The following ELF5 variants were observed in gnomAD, a reference collection of about 807,000 sequenced individuals.
The protein encoded by ELF5 is ETS-related transcription factor Elf-5.
In ELF5, 31 loss-of-function variants were observed where a neutral mutation model predicts 38.2. The ratio of observed to expected loss-of-function variants is 0.81; its 90% CI spans 0.61 to 1.10. The LOEUF (loss-of-function observed/expected upper bound fraction) is 1.10, where lower values mean the gene tolerates loss of function less well. Among genes scored for constraint, ELF5 ranks in the 50% least tolerant of loss-of-function variants. The pLI, the probability that ELF5 is intolerant of heterozygous loss-of-function variation, is 0.00. For missense variants in ELF5, 300 were observed against 306.6 expected, an observed-to-expected ratio of 0.98 and a Z score of 0.16; for synonymous variants, 121 against 112.5, an observed-to-expected ratio of 1.08 and a Z score of -0.48.
At chr11:34,505,927 C>A (rs1308829540) in intron 1 of ELF5, among the ~76,000 whole-genome samples, 174 bp from the exon 2 acceptor site, 2 of 152,194 alleles carry the variant, frequency 1.3e-5, no homozygotes, top group African/African-American at 4.8e-5. Flanking sequence ...TCCACCCTTG[C>A]CATATCCTGT....
At chr11:34,510,647 C>A (rs550471246) in intron 1 of ELF5, among the ~76,000 whole-genome samples, 8 of 152,090 alleles carry the variant, frequency 5.3e-5, no homozygotes, top group African/African-American at 1.4e-4. Flanking sequence ...GGTGATATTG[C>A]CCCCCTCTTT....
intron 4 of ELF5, among the ~76,000 whole-genome samples, chr11:34,489,011 T>C (rs1850086898): frequency 6.6e-6 from 1 of 152,170 alleles, no homozygotes; most frequent in Non-Finnish European, 1.5e-5. Context: ...GGTGAGATGC[T>C]ACACCCCGGG....
rs1437528965 is a variant in ELF5 at position 34,480,805 on chromosome 11, C to A, written c.638G>T (p.Arg213Ile). 6.2e-7 allele frequency: 1 copy of A among 1,613,876 alleles called. No individual in the cohort carries two copies. Among genetic ancestry groups the A allele is most frequent in the East Asian group, 2.2e-5 (1 of 44,880 alleles). The change falls in exon 6 of 7, where the codon AGA becomes ATA. Residue 213 changes from arginine to isoleucine, a missense_variant. Coordinates refer to ENST00000257832, the MANE Select transcript of ELF5 (RefSeq NM_001422.4). Reference protein sequence around the residue: ...KMWGQRKKNDRMTYEKLSRAL... With the variant: ...KMWGQRKKNDIMTYEKLSRAL... ...TCTGCTCAACTTTTCATATGTCATT[C>A]TGTCATTTTTCTTCCTTTGTCCCCA... is the stretch of plus-strand genomic sequence containing the variant.
At chr11:34,487,705 G>A (rs1241043179) in intron 4 of ELF5, among the ~76,000 whole-genome samples, 5 of 152,000 alleles carry the variant, frequency 3.3e-5, no homozygotes, top group African/African-American at 7.3e-5. Context: ...TACTGATGCC[G>A]TGAGTGTTAT....
intron 1 of ELF5, chr11:34,511,651 G>T (rs981940060): frequency 2.5e-6 from 4 of 1,576,238 alleles, no homozygotes; most frequent in African/African-American, 1.4e-5. Flanking sequence ...ACACAGAGAG[G>T]GTCCACCGAG....
At chr11:34,504,714 C>T (rs1356656660) in intron 2 of ELF5, among the ~76,000 whole-genome samples, 1 of 152,224 alleles carries the variant, frequency 6.6e-6, no homozygotes, top group Non-Finnish European at 1.5e-5. Flanking sequence ...GCCAGGTGTG[C>T]TGTGATATGT....
At chr11:34,496,487 C>T (rs1850325090) in intron 2 of ELF5, among the ~76,000 whole-genome samples, 1 of 152,248 alleles carries the variant, frequency 6.6e-6, no homozygotes, top group African/African-American at 2.4e-5. Context: ...AGCCCCTCTC[C>T]TGCTCTTCTC....
intron 3 of ELF5, chr11:34,492,320 T>C (rs571719662): frequency 2.0e-5 from 3 of 152,308 alleles, no homozygotes; most frequent in Admixed American, 1.3e-4. Flanking sequence ...TGGATGAGGA[T>C]CAAGAGGAGG....
At chr11:34,492,903 G>T in intron 3 of ELF5, 1 of 164,790 alleles carries the variant, frequency 6.1e-6, no homozygotes, top group South Asian at 1.5e-4. Context: ...ATCTATGTGT[G>T]ACTTTGAGAC....
At chr11:34,484,409 CACTAT>C (rs1172930642) in intron 4 of ELF5, among the ~76,000 whole-genome samples, 2 of 150,984 alleles carry the variant, frequency 1.3e-5, no homozygotes, top group South Asian at 2.1e-4. Flanking sequence ...AACTATACTG[CACTAT>C]ACTATACTAA....
chr11:34,508,536 A>C (rs1850671013), intron 1 of ELF5, among the ~76,000 whole-genome samples: 1 of 152,156 alleles, frequency 6.6e-6, no homozygotes, highest in Non-Finnish European at 1.5e-5. Context: ...TAAAAAATAA[A>C]AAAAACTTTA....
chr11:34,496,050 C>CT (rs149542799), intron 2 of ELF5, among the ~76,000 whole-genome samples: 1 of 152,156 alleles, frequency 6.6e-6, no homozygotes, highest in Non-Finnish European at 1.5e-5. Flanking sequence ...GCTCTGTTCC[C>CT]GTTTCCCTCC....
chr11:34,481,009 T>C (rs763951222), intron 5 of ELF5, 42 bp from the exon 6 acceptor site: 1 of 1,354,790 alleles, frequency 7.4e-7, no homozygotes, highest in Non-Finnish European at 9.8e-7. Context: ...CCATTGTTTT[T>C]TAAATTAATT....
At chr11:34,513,228 TTCTCTGTATCGAGGGGGTGGG>T (rs1288551136) in intron 1 of ELF5, among the ~76,000 whole-genome samples, 1 of 151,918 alleles carries the variant, frequency 6.6e-6, no homozygotes, top group African/African-American at 2.4e-5. Flanking sequence ...AATAAGGGAG[TTCTCTGTATCGAGGGGGTGGG>T]GGACAGTGGG....
Position 34,480,789 on chromosome 11 carries a change from CT to C in ELF5, c.653del (p.Lys218SerfsTer2). The C allele has an allele frequency of 6.2e-7, 1 of 1,614,074 alleles. No homozygotes were observed. The highest frequency in any genetic ancestry group is 8.5e-7 in the Non-Finnish European group (1 of 1,179,992). Reference protein sequence around the residue: ...RKKNDRMTYEKLSRALRYYYK... With the variant: ...RKKNDRMTYEXLSRALRYYYK... ...TAACTTACCTCAGGGCTCTGCTCAA[CT>C]TTTCATATGTCATTCTGTCATTTTT... is the stretch of plus-strand genomic sequence containing the variant. On this transcript the variant is annotated frameshift_variant, in exon 6 of 7. Transcript: ENST00000257832. LOFTEE classifies it high-confidence loss of function.
At chr11:34,492,644 T>C (rs1850206074) in intron 3 of ELF5, 1 of 152,210 alleles carries the variant, frequency 6.6e-6, no homozygotes, top group South Asian at 2.1e-4. Context: ...TTCTAGGTAA[T>C]ATTTCCCTGA....
chr11:34,489,418 C>T (rs757047949), intron 4 of ELF5, among the ~76,000 whole-genome samples: 1 of 152,148 alleles, frequency 6.6e-6, no homozygotes, highest in Admixed American at 6.5e-5. Flanking sequence ...GGCCTCTGGG[C>T]CAGGGACTCA....
At chr11:34,481,067 G>C (rs1856932044) in intron 5 of ELF5, 100 bp from the exon 6 acceptor site, 2 of 985,262 alleles carry the variant, frequency 2.0e-6, no homozygotes, top group South Asian at 5.6e-5. Context: ...CTGTCGCCCA[G>C]GCTGGAGAGC....
At chr11:34,511,548 G>A in intron 1 of ELF5, 1 of 1,614,242 alleles carries the variant, frequency 6.2e-7, no homozygotes. Flanking sequence ...AGGTACCTGT[G>A]GGAGTGAGGC....
Sources: gnomAD v4.1 joint callset for allele counts (sites outside exome capture counted in the v4.1 genomes callset) on GRCh38, gnomAD v4.1.1 for gene constraint, MANE v1.5 for transcripts, NCBI Gene and HGNC (gene_info 2026-07-23, HGNC 2026-07-21) for gene names.